SCHIP1: variants seen among roughly 807,000 people sequenced by gnomAD.
The protein encoded by SCHIP1 is schwannomin interacting protein 1.
In SCHIP1, 8 loss-of-function variants were observed where a neutral mutation model predicts 29.7. The observed-to-expected ratio is 0.27, with a 90% confidence interval of 0.16 to 0.49. SCHIP1 has a LOEUF of 0.49. Among genes scored for constraint, SCHIP1 ranks in the 20% least tolerant of loss-of-function variants. SCHIP1 has a pLI of 0.99. For missense variants in SCHIP1, 193 were observed against 294.6 expected, an observed-to-expected ratio of 0.66 and a Z score of 2.52; for synonymous variants, 76 against 94.9, an observed-to-expected ratio of 0.80 and a Z score of 1.16.
the SCHIP1 span, among the ~76,000 whole-genome samples, chr3:159,613,369 A>C: frequency 1.3e-5 from 2 of 152,330 alleles, no homozygotes; most frequent in South Asian, 2.1e-4. Flanking sequence ...ATAATAAAGC[A>C]CATTATGGCA....
the SCHIP1 span, among the ~76,000 whole-genome samples, chr3:159,645,839 T>A: frequency 1.3e-5 from 2 of 152,086 alleles, no homozygotes; most frequent in Non-Finnish European, 2.9e-5. Flanking sequence ...CAGGCTTGGG[T>A]GACTGGGTGA....
At chr3:159,672,348 T>C in the SCHIP1 span, among the ~76,000 whole-genome samples, 1 of 152,362 alleles carries the variant, frequency 6.6e-6, no homozygotes, top group South Asian at 2.1e-4. Context: ...TTAACTACTG[T>C]GACAACTAAA....
At chr3:159,850,087 G>C (rs142650918) in intron 1 of SCHIP1, among the ~76,000 whole-genome samples, 58 of 152,270 alleles carry the variant, frequency 3.8e-4, no homozygotes, top group African/African-American at 1.2e-3. Context: ...ATCATATAGC[G>C]TACTAGGTTC....
At chr3:159,645,308 A>G in the SCHIP1 span, among the ~76,000 whole-genome samples, 12 of 152,204 alleles carry the variant, frequency 7.9e-5, no homozygotes, top group East Asian at 2.3e-3. Context: ...CAGGCTGCCT[A>G]TTACACTCAC....
intron 1 of SCHIP1, among the ~76,000 whole-genome samples, chr3:159,848,363 T>C (rs1474085573): frequency 6.6e-6 from 1 of 152,068 alleles, no homozygotes; most frequent in Non-Finnish European, 1.5e-5. Flanking sequence ...ACAATCCCCA[T>C]AGAAGGATAG....
the SCHIP1 span, among the ~76,000 whole-genome samples, chr3:159,445,299 G>A: frequency 6.6e-6 from 1 of 151,872 alleles, no homozygotes; most frequent in Non-Finnish European, 1.5e-5. Context: ...CTGGCCATCA[G>A]AGAAATGCAA....
At chr3:159,300,947 T>C in the SCHIP1 span, among the ~76,000 whole-genome samples, 5 of 152,320 alleles carry the variant, frequency 3.3e-5, 1 homozygote, top group South Asian at 2.1e-4. Flanking sequence ...ACCTGCCTTA[T>C]GTCACCTGTC....
chr3:159,428,361 C>T, the SCHIP1 span, among the ~76,000 whole-genome samples: 1 of 150,698 alleles, frequency 6.6e-6, no homozygotes, highest in Non-Finnish European at 1.5e-5. Context: ...AAAAAACAAA[C>T]AACCCCATCA....
chr3:159,372,878 G>C, the SCHIP1 span, among the ~76,000 whole-genome samples: 1 of 152,006 alleles, frequency 6.6e-6, no homozygotes, highest in Admixed American at 6.6e-5. Flanking sequence ...AACAGCAAAG[G>C]TGAGTAGTGG....
chr3:159,398,257 C>G, the SCHIP1 span, among the ~76,000 whole-genome samples: 1 of 152,138 alleles, frequency 6.6e-6, no homozygotes, highest in South Asian at 2.1e-4. Flanking sequence ...CCCGGTACCT[C>G]AGATGGAAAT....
At chr3:159,358,573 CA>C in the SCHIP1 span, among the ~76,000 whole-genome samples, 4 of 152,172 alleles carry the variant, frequency 2.6e-5, no homozygotes, top group Non-Finnish European at 4.4e-5. Context: ...ACAGTCTCTG[CA>C]CTTCCCAAAA....
the SCHIP1 span, among the ~76,000 whole-genome samples, chr3:159,483,887 ATGATG>A: frequency 2.0e-5 from 3 of 152,198 alleles, no homozygotes; most frequent in South Asian, 6.2e-4. Context: ...AACCCACATG[ATGATG>A]TGATAAGTGG....
At chr3:159,366,248 G>A in the SCHIP1 span, among the ~76,000 whole-genome samples, 1 of 152,030 alleles carries the variant, frequency 6.6e-6, no homozygotes, top group Non-Finnish European at 1.5e-5. Flanking sequence ...CAGAGCGAGA[G>A]CTCACTTACC....
chr3:159,673,306 G>A, the SCHIP1 span, among the ~76,000 whole-genome samples: 1 of 152,306 alleles, frequency 6.6e-6, no homozygotes, highest in East Asian at 1.9e-4. Context: ...GCATGGCCCT[G>A]CTCTGGAGTT....
the SCHIP1 span, among the ~76,000 whole-genome samples, chr3:159,448,091 TC>T: frequency 6.6e-6 from 1 of 152,194 alleles, no homozygotes; most frequent in Non-Finnish European, 1.5e-5. Flanking sequence ...TTCCTTAGCT[TC>T]CAGTCAGGAT....
Position 159,853,287 on chromosome 3 carries a change from T to A in SCHIP1, c.31-12876T>A. ...TCTTAGCCAGCTCTCCATGTCAGTA[T>A]GAGCAGTAACCAGGGAACTGGGCAA... On this transcript the variant is annotated intron_variant, in intron 1 of 6. Transcript: ENST00000445224. The A allele has an allele frequency of 5.0e-6, 3 of 601,806 alleles. No homozygotes were observed. In the South Asian group the frequency reaches 6.1e-5, roughly 12 times the overall value. 37.3% of individuals were successfully genotyped at this position (601,806 alleles called of 1,614,324 possible). A position where few individuals can be genotyped will look rare whatever the true frequency, so the allele number is the denominator to read the frequency against.
chr3:159,447,621 A>G, the SCHIP1 span, among the ~76,000 whole-genome samples: 1 of 152,214 alleles, frequency 6.6e-6, no homozygotes, highest in Non-Finnish European at 1.5e-5. Flanking sequence ...TACTGAGCTT[A>G]GATGAGCCCT....
chr3:159,733,310 C>G, the SCHIP1 span, among the ~76,000 whole-genome samples: 2 of 152,232 alleles, frequency 1.3e-5, no homozygotes, highest in East Asian at 3.9e-4. Context: ...GATTTCCTAG[C>G]AGAAATGTGT....
chr3:159,523,519 A>G, the SCHIP1 span, among the ~76,000 whole-genome samples: 1 of 152,212 alleles, frequency 6.6e-6, no homozygotes, highest in African/African-American at 2.4e-5. Flanking sequence ...TAAAATAGGG[A>G]AAGAGGAATC....
Sources: gnomAD v4.1 joint callset for allele counts (sites outside exome capture counted in the v4.1 genomes callset) on GRCh38, gnomAD v4.1.1 for gene constraint, MANE v1.5 for transcripts, NCBI Gene and HGNC (gene_info 2026-07-23, HGNC 2026-07-21) for gene names.